TYW1B: variants seen among roughly 807,000 people sequenced by gnomAD.
The protein encoded by TYW1B is tRNA-yW synthesizing protein 1 homolog B.
In TYW1B, 73 loss-of-function variants were observed where a neutral mutation model predicts 86.9. The ratio of observed to expected loss-of-function variants is 0.84; its 90% CI spans 0.70 to 1.02. The LOEUF (loss-of-function observed/expected upper bound fraction) is 1.02. TYW1B is among the 50% of genes least tolerant of loss of function. The pLI is 0.00. For synonymous variants in TYW1B, 248 were observed against 292.8 expected (o/e 0.85, Z 1.56); for missense variants, 637 against 827.4 (o/e 0.77, Z 2.82).
At chr7:72,578,041 T>G (rs1401337289) in intron 13 of TYW1B, among the ~76,000 whole-genome samples, 1 of 151,848 alleles carries the variant, frequency 6.6e-6, no homozygotes, top group African/African-American at 2.4e-5. Flanking sequence ...GCCTGCTGGC[T>G]CTGTGAATAT....
intron 11 of TYW1B, among the ~76,000 whole-genome samples, chr7:72,648,293 A>G (rs1429190398): frequency 6.6e-6 from 1 of 152,082 alleles, no homozygotes; most frequent in East Asian, 1.9e-4. Context: ...TTGTAATCCC[A>G]GCACTTTGGG....
At position 72,771,848 on chromosome 7, in the gene TYW1B, G is replaced by T. The variant is rs1383809867; in HGVS notation, c.964+5568C>A. Among the ~76,000 whole-genome samples, 3 of 150,484 alleles carry T rather than the reference G, an allele frequency of 2.0e-5. No homozygotes were observed. The East Asian group carries it at 5.8e-4, about 29-fold the overall frequency. On this transcript the variant is annotated intron_variant, in intron 7 of 13. Coordinates refer to ENST00000620995, the MANE Select transcript of TYW1B (RefSeq NM_001145440.3). ...ATAGACTCAAAATACATAAAGAAAT[G>T]ATTTTTTTTTTTTTTTTAAAGACAG...
chr7:72,764,947 C>G (rs1554468058), intron 7 of TYW1B, among the ~76,000 whole-genome samples: 1 of 152,156 alleles, frequency 6.6e-6, no homozygotes, highest in Admixed American at 6.5e-5. Flanking sequence ...TTTGCTTTTC[C>G]TTCCTATTGG....
intron 10 of TYW1B, among the ~76,000 whole-genome samples, chr7:72,700,589 A>T (rs1339807488): frequency 1.3e-5 from 2 of 152,118 alleles, no homozygotes; most frequent in Non-Finnish European, 2.9e-5. Context: ...CCCAAATTCT[A>T]GTTTGTGAAG....
chr7:72,717,638 G>A (rs555367168), intron 9 of TYW1B, among the ~76,000 whole-genome samples: 1 of 134,500 alleles, frequency 7.4e-6, no homozygotes, highest in Non-Finnish European at 1.6e-5. Flanking sequence ...GGTGTCAGCT[G>A]TGCTTGACAC....
rs572934469 is a variant in TYW1B, at chr7:72,607,059, C to T, written c.1785+9613G>A. Among the ~76,000 whole-genome samples the T allele has an allele frequency of 4.6e-5, 7 of 152,236 alleles. No homozygotes were observed. In the South Asian group the frequency reaches 6.2e-4, roughly 14 times the overall value. On this transcript the variant is annotated intron_variant, in intron 13 of 13. Coordinates refer to ENST00000620995, the MANE Select transcript of TYW1B (RefSeq NM_001145440.3). ...GAATTATCTGATTAAGATTTTAAAGCAGCCATCACAAATGTGCTTCAATGG... is the reference window on the plus strand; with the variant it reads ...GAATTATCTGATTAAGATTTTAAAGTAGCCATCACAAATGTGCTTCAATGG...
At position 72,807,083 on chromosome 7, in the gene TYW1B, G is replaced by A. The variant is rs781947108; in HGVS notation, c.706C>T (p.His236Tyr). Residue 236 changes from histidine (H) to tyrosine (Y), a missense_variant, in exon 5 of 14, where the codon CAT (histidine) becomes TAT (tyrosine). Physicochemically the swap from His to Tyr is moderately conservative, Grantham distance 83. Coordinates refer to ENST00000620995, the MANE Select transcript of TYW1B (RefSeq NM_001145440.3). ...EEGSQEQDEL[H>Y]HRDTKEEEPF... ...CGGTATACCTTGGTGTCTCTGTGAT[G>A]CAATTCGTCCTGCTCTTGAGATCCT... 5.0e-6 allele frequency: 8 copies of A among 1,613,954 alleles called. No homozygotes were observed. The highest frequency in any genetic ancestry group is 5.9e-6 in the Non-Finnish European group (7 of 1,179,886).
At position 72,574,819 on chromosome 7, in the gene TYW1B, C is replaced by G. The variant is rs1810982335; in HGVS notation, c.*679G>C. 1 of 985,312 alleles carries G rather than the reference C, an allele frequency of 1.0e-6. No homozygotes were observed. Among genetic ancestry groups the G allele is most frequent in the Admixed American group, 6.2e-5 (1 of 16,246 alleles). 61.0% of individuals were successfully genotyped at this position (985,312 alleles called of 1,614,324 possible). A position where few individuals can be genotyped will look rare whatever the true frequency, so the allele number is the denominator to read the frequency against. ...CCTCACATGGCCACTCCTCTTACAG[C>G]AGACAGCTTCACTCCGCTCCAGCCC... On this transcript the variant is annotated 3_prime_UTR_variant, in exon 14 of 14. Transcript: ENST00000620995.
intron 4 of TYW1B, 99 bp from the exon 5 acceptor site, chr7:72,807,455 C>T (rs117455221): frequency 6.2e-6 from 9 of 1,456,512 alleles, no homozygotes; most frequent in Middle Eastern, 1.8e-4. Flanking sequence ...GGCCCCTGGT[C>T]ATGGGCTACC....
Position 72,713,645 on chromosome 7 carries a change from T to C in TYW1B, c.1346A>G (p.Asn449Ser), listed in dbSNP as rs782036102. The stretch of plus-strand genomic sequence containing the variant: ...CCTGATTTCCGCAGGAAATTGTGCA[T>C]TTGTGACCAGGAAGCTGGAGATTTT... ...QCKISSFLVTNAQFPAEIRNL... is the reference protein window; with the variant it reads ...QCKISSFLVTSAQFPAEIRNL... Residue 449 changes from asparagine (N) to serine (S), a missense_variant, in exon 10 of 14, where the codon AAT (asparagine) becomes AGT (serine). Transcript: ENST00000620995. 9.3e-6 allele frequency: 15 copies of C among 1,613,958 alleles called. No individual in the cohort carries two copies. The highest frequency in any genetic ancestry group is 1.3e-5 in the African/African-American group (1 of 74,934).
chr7:72,802,696 C>T (rs1788424704), intron 5 of TYW1B, among the ~76,000 whole-genome samples, 174 bp from the exon 6 acceptor site: 1 of 152,056 alleles, frequency 6.6e-6, no homozygotes, highest in Non-Finnish European at 1.5e-5. Context: ...TCTCGGCTCA[C>T]TGCAACCTCC....
rs1297037611 is a variant in TYW1B, at chr7:72,632,269, ATATATATATATACGTG to A, written c.1507-3288_1507-3273del. On this transcript the variant is annotated intron_variant, in intron 11 of 13. Transcript: ENST00000620995. ...GCAAGACCCTGTCTCCAAAAAATATATATATATATATACGTGTATATATATATATACGTGTATATAT... is the reference window on the plus strand; with the variant it reads ...GCAAGACCCTGTCTCCAAAAAATATATATATATATATATACGTGTATATAT... Among the ~76,000 whole-genome samples, 17 of 103,526 alleles carry A rather than the reference ATATATATATATACGTG, an allele frequency of 1.6e-4. 1 individual carries two copies. Among genetic ancestry groups the A allele is most frequent in the African/African-American group, 7.8e-4 (16 of 20,540 alleles). 67.9% of individuals were successfully genotyped at this position (103,526 alleles called of 152,430 possible). A position where few individuals can be genotyped will look rare whatever the true frequency, so the allele number is the denominator to read the frequency against.
intron 7 of TYW1B, among the ~76,000 whole-genome samples, chr7:72,770,440 A>AAAAAAAG (rs1386280468): frequency 4.0e-5 from 6 of 150,708 alleles, no homozygotes; most frequent in Admixed American, 2.6e-4. Flanking sequence ...AAAAAAAAAA[A>AAAAAAAG]AAAAAAGAAA....
chr7:72,712,115 A>G (rs1403818970), intron 10 of TYW1B, among the ~76,000 whole-genome samples: 54 of 152,140 alleles, frequency 3.5e-4, no homozygotes, highest in Admixed American at 1.2e-3. Context: ...GATCATCCCT[A>G]TAAGGAGAGC....
At chr7:72,722,852 A>G in intron 9 of TYW1B, 1 of 584,338 alleles carries the variant, frequency 1.7e-6, no homozygotes, top group South Asian at 1.8e-5. Context: ...AGGACTCTCC[A>G]AGCCAGAGTG....
At chr7:72,591,037 A>G (rs34442790) in intron 13 of TYW1B, among the ~76,000 whole-genome samples, 8 of 152,102 alleles carry the variant, frequency 5.3e-5, no homozygotes, top group Non-Finnish European at 1.0e-4. Flanking sequence ...ACTAAAAAGT[A>G]TAATAACTGA....
chr7:72,593,095 G>A (rs797025190), intron 13 of TYW1B, among the ~76,000 whole-genome samples: 5 of 127,608 alleles, frequency 3.9e-5, no homozygotes, highest in South Asian at 2.9e-4. Flanking sequence ...CTGAGGTCCC[G>A]AGTTCAAGAC....
At chr7:72,576,509 CTTTT>C (rs11334473) in intron 13 of TYW1B, among the ~76,000 whole-genome samples, 1 of 120,094 alleles carries the variant, frequency 8.3e-6, no homozygotes. Flanking sequence ...ATGCCACTGT[CTTTT>C]TTTTTTTTTT....
At chr7:72,666,744 G>A (rs530837154) in intron 11 of TYW1B, among the ~76,000 whole-genome samples, 101 of 152,060 alleles carry the variant, frequency 6.6e-4, no homozygotes, top group Admixed American at 2.3e-3. Context: ...TTTTAAAAAT[G>A]AAACCAGTCG....
Sources: allele counts gnomAD v4.1 joint callset (sites outside exome capture counted in the v4.1 genomes callset), GRCh38; gene constraint gnomAD v4.1.1; transcripts MANE v1.5; gene names NCBI Gene and HGNC (gene_info 2026-07-23, HGNC 2026-07-21).